AFTPH: variants seen among roughly 807,000 people sequenced by gnomAD.
AFTPH encodes the protein aftiphilin, also known as aftiphilin protein.
A neutral mutation model predicts 72.5 loss-of-function variants in AFTPH; 7 were observed. The observed-to-expected ratio is 0.10, with a 90% CI of 0.05 to 0.18. The LOEUF (loss-of-function observed/expected upper bound fraction) is 0.18, where lower values mean the gene tolerates loss of function less well. Among genes scored for constraint, AFTPH ranks in the 10% least tolerant of loss-of-function variants. The pLI is 1.00. For synonymous variants in AFTPH, 337 were observed against 370.1 expected (o/e 0.91, Z 1.03); for missense variants, 979 against 1,060.5 (o/e 0.92, Z 1.07).
chr2:64,546,081 T>C (rs7558252), intron 1 of AFTPH, among the ~76,000 whole-genome samples: 73,823 of 151,488 alleles, frequency 0.49, 21,449 homozygotes, highest in African/African-American at 0.83. Context: ...TTAGTAGAGA[T>C]GGGGTTTCAC....
At chr2:64,528,010 GA>G (rs1298453289) in intron 1 of AFTPH, among the ~76,000 whole-genome samples, 1 of 152,252 alleles carries the variant, frequency 6.6e-6, no homozygotes, top group African/African-American at 2.4e-5. Context: ...TTGAGAAGAA[GA>G]GGGAAATAAT....
intron 5 of AFTPH, among the ~76,000 whole-genome samples, chr2:64,572,216 G>A (rs1672477779): frequency 2.6e-5 from 3 of 114,508 alleles, no homozygotes; most frequent in African/African-American, 3.3e-5. Context: ...GCAAAACTCT[G>A]TCTCAAAAAA....
intron 7 of AFTPH, chr2:64,580,229 T>G (rs545538515): frequency 4.4e-4 from 67 of 152,780 alleles, no homozygotes; most frequent in African/African-American, 1.6e-3. Context: ...ACCACAAGTT[T>G]TAAGTGGATC....
intron 1 of AFTPH, among the ~76,000 whole-genome samples, chr2:64,548,418 A>G (rs1339101528): frequency 1.3e-5 from 2 of 149,218 alleles, no homozygotes; most frequent in East Asian, 3.9e-4. Context: ...AAAAAAAAAA[A>G]AAAAAAAAAA....
chr2:64,529,314 A>ATT (rs1270495358), intron 1 of AFTPH, among the ~76,000 whole-genome samples: 2 of 109,422 alleles, frequency 1.8e-5, no homozygotes, highest in Admixed American at 7.9e-5. Flanking sequence ...TCCTTTTTGA[A>ATT]GTTTTTTTTT....
intron 1 of AFTPH, among the ~76,000 whole-genome samples, chr2:64,545,491 T>C (rs1394718634): frequency 1.4e-5 from 2 of 140,690 alleles, no homozygotes; most frequent in African/African-American, 2.6e-5. Flanking sequence ...AGTAAGATAC[T>C]GGAAACAACC....
chr2:64,587,832 T>A (rs573343058), intron 8 of AFTPH, among the ~76,000 whole-genome samples: 1 of 152,230 alleles, frequency 6.6e-6, no homozygotes, highest in African/African-American at 2.4e-5. Context: ...TGCCTAACTT[T>A]CCTAATATGG....
chr2:64,526,425 T>C (rs1669269968), intron 1 of AFTPH, among the ~76,000 whole-genome samples: 1 of 152,184 alleles, frequency 6.6e-6, no homozygotes, highest in Non-Finnish European at 1.5e-5. Flanking sequence ...CCAAATCTCA[T>C]AAAAGGAGGC....
intron 2 of AFTPH, among the ~76,000 whole-genome samples, chr2:64,557,682 T>C (rs1415195665): frequency 6.6e-6 from 1 of 152,234 alleles, no homozygotes; most frequent in East Asian, 1.9e-4. Context: ...CATCTTCACT[T>C]ATTTAGTCAT....
intron 2 of AFTPH, among the ~76,000 whole-genome samples, chr2:64,565,163 A>C: frequency 6.6e-6 from 1 of 152,068 alleles, no homozygotes; most frequent in Non-Finnish European, 1.5e-5. Flanking sequence ...TTTTAAAAAT[A>C]AAATGTCAGA....
intron 2 of AFTPH, among the ~76,000 whole-genome samples, chr2:64,562,730 A>T (rs1671815765): frequency 6.6e-6 from 1 of 152,214 alleles, no homozygotes; most frequent in Non-Finnish European, 1.5e-5. Context: ...TGAGCATTAA[A>T]TGAAAATTAT....
chr2:64,536,566 T>TAAA (rs142981388), intron 1 of AFTPH, among the ~76,000 whole-genome samples: 2 of 107,652 alleles, frequency 1.9e-5, no homozygotes, highest in Admixed American at 1.1e-4. Context: ...GACTCCATCT[T>TAAA]AAAAAAAAAA....
chr2:64,563,474 A>G (rs901207605), intron 2 of AFTPH, among the ~76,000 whole-genome samples: 6 of 152,074 alleles, frequency 3.9e-5, no homozygotes, highest in African/African-American at 7.2e-5. Flanking sequence ...GGGAAAATCT[A>G]TTTCCTGAAA....
chr2:64,556,781 C>T (rs1429700228), intron 2 of AFTPH, among the ~76,000 whole-genome samples: 1 of 152,156 alleles, frequency 6.6e-6, no homozygotes, highest in African/African-American at 2.4e-5. Context: ...GCTGTGGGTC[C>T]AGCCAGTCTC....
chr2:64,553,703 A>T lies in AFTPH; in HGVS notation c.1935+294A>T, dbSNP rs1332139835. 1.8e-4 allele frequency among the ~76,000 whole-genome samples: 4 copies of T among 22,034 alleles called. No homozygotes were observed. In the South Asian group the frequency reaches 4.0e-3, roughly 22 times the overall value. The allele number at this position is 22,034 out of a possible 152,430, so 14.5% of individuals were successfully genotyped here. A position where few individuals can be genotyped will look rare whatever the true frequency, so the allele number is the denominator to read the frequency against. On this transcript the variant is annotated intron_variant, in intron 2 of 8. Coordinates refer to ENST00000238856, the Ensembl canonical transcript of AFTPH. ...GGTGACTATAAATACCATATATGTT[A>T]AAAAAAAAAAAAAAAACCCACACTT...
At chr2:64,571,987 G>A (rs113921888) in intron 5 of AFTPH, among the ~76,000 whole-genome samples, 2 of 152,074 alleles carry the variant, frequency 1.3e-5, no homozygotes, top group Non-Finnish European at 2.9e-5. Context: ...AGGCCAAGAC[G>A]GGTGGATCAC....
At chr2:64,546,882 TC>T (rs895952730) in intron 1 of AFTPH, among the ~76,000 whole-genome samples, 6 of 116,552 alleles carry the variant, frequency 5.1e-5, no homozygotes, top group African/African-American at 2.0e-4. Flanking sequence ...AAAAAAAAAA[TC>T]CAAAAAAAAA....
chr2:64,592,039 A>G, exon 9 of AFTPH: 1 of 1,608,094 alleles, frequency 6.2e-7, no homozygotes, highest in Non-Finnish European at 8.5e-7. Flanking sequence ...CGGATAACTG[A>G]TGTGAATTGG....
chr2:64,541,327 C>A (rs1010433166), intron 1 of AFTPH, among the ~76,000 whole-genome samples: 1 of 152,042 alleles, frequency 6.6e-6, no homozygotes, highest in Non-Finnish European at 1.5e-5. Flanking sequence ...CAGTGACATA[C>A]AGTTGGTGTC....
Sources: gnomAD v4.1 joint callset for allele counts (sites outside exome capture counted in the v4.1 genomes callset) on GRCh38, gnomAD v4.1.1 for gene constraint, MANE v1.5 for transcripts, NCBI Gene and HGNC (gene_info 2026-07-23, HGNC 2026-07-21) for gene names.